LRRTM4: variants seen among roughly 807,000 people sequenced by gnomAD.
The protein encoded by LRRTM4 is leucine rich repeat transmembrane neuronal 4.
Under a neutral mutation model 47.6 loss-of-function variants are expected in LRRTM4, and 25 were observed. The observed-to-expected ratio is 0.53, with a 90% CI of 0.38 to 0.73. The LOEUF (loss-of-function observed/expected upper bound fraction) is 0.73, where lower values mean the gene tolerates loss of function less well. Ranked by LOEUF, LRRTM4 falls within the 30% of genes least tolerant of loss-of-function variation. The probability of loss-of-function intolerance (pLI) is 0.00; values close to 1 mark genes in which losing one functional copy is unlikely to be tolerated. For synonymous variants in LRRTM4, 311 were observed against 269.5 expected (o/e 1.15, Z -1.51); for missense variants, 638 against 713.4 (o/e 0.89, Z 1.20).
In LRRTM4 at chr2:77,519,888, A is replaced by T. The variant is rs371307696; in HGVS notation, c.5-24T>A. Reference sequence around the variant, plus strand: ...ACCTACGATATTAAAAAAAAGACAGATGCACATTGTGAAGCTATTAAAATA... The same window carrying T: ...ACCTACGATATTAAAAAAAAGACAGTTGCACATTGTGAAGCTATTAAAATA... On this transcript the variant is annotated intron_variant, in intron 2 of 3. Coordinates refer to ENST00000409884, the MANE Select transcript of LRRTM4 (RefSeq NM_001134745.3). The surrounding 1 kb of genome is among the most constrained non-coding windows in gnomAD (Gnocchi z 4.6). 3 of 1,537,424 alleles carry T rather than the reference A, an allele frequency of 2.0e-6. No homozygotes were observed. The highest frequency in any genetic ancestry group is 2.6e-6 in the Non-Finnish European group (3 of 1,141,802).
chr2:77,145,919 A>G (rs1023261467), intron 3 of LRRTM4, among the ~76,000 whole-genome samples: 17 of 152,192 alleles, frequency 1.1e-4, no homozygotes, highest in African/African-American at 3.9e-4. Flanking sequence ...TTCTTTCGAA[A>G]AAAAATTTAA....
In LRRTM4 at chr2:77,518,564, T is replaced by C. The variant is rs1679327963; in HGVS notation, c.1305A>G (p.Ser435=). The change falls in exon 3 of 4, where the codon TCA becomes TCG. Residue 435 remains serine, a synonymous_variant. Transcript: ENST00000409884. ...AGATCACCAAGAGGATCATGGCCACTGAGAGAAAGAGAGCCACACTCCCGG... is the reference window on the plus strand; with the variant it reads ...AGATCACCAAGAGGATCATGGCCACCGAGAGAAAGAGAGCCACACTCCCGG... ...IIAGSVALFL[S]VAMILLVIYV... 1 of 1,613,280 alleles carries C rather than the reference T, an allele frequency of 6.2e-7. No homozygotes were observed. Among genetic ancestry groups the C allele is most frequent in the Admixed American group, 1.7e-5 (1 of 59,856 alleles).
chr2:76,954,625 G>C (rs1377170273), intron 3 of LRRTM4, among the ~76,000 whole-genome samples: 1 of 151,798 alleles, frequency 6.6e-6, no homozygotes, highest in African/African-American at 2.4e-5. Context: ...AGCTTACTTG[G>C]ACAAGTATTG....
intron 3 of LRRTM4, among the ~76,000 whole-genome samples, chr2:77,349,040 GT>G: frequency 6.6e-6 from 1 of 152,022 alleles, no homozygotes; most frequent in East Asian, 1.9e-4. Context: ...ATATCAGGAG[GT>G]GGGCAGAGAT....
At chr2:77,122,503 C>T (rs2103958136) in intron 3 of LRRTM4, among the ~76,000 whole-genome samples, 1 of 149,684 alleles carries the variant, frequency 6.7e-6, no homozygotes, top group East Asian at 1.9e-4. Context: ...ACTATATATA[C>T]ACACACATAT....
chr2:76,843,944 C>T (rs184839192), intron 3 of LRRTM4, among the ~76,000 whole-genome samples: 3 of 150,454 alleles, frequency 2.0e-5, no homozygotes, highest in Admixed American at 1.3e-4. Context: ...GTCTCATGCC[C>T]AGACTGGAGT....
intron 3 of LRRTM4, among the ~76,000 whole-genome samples, chr2:77,486,565 A>T (rs1677919244): frequency 6.6e-6 from 1 of 152,184 alleles, no homozygotes; most frequent in African/African-American, 2.4e-5. Flanking sequence ...CAATTATAAT[A>T]TTAACCAAAT....
rs1454881258 is a variant in LRRTM4 at position 77,107,819 on chromosome 2, A to C, written c.1552-358903T>G. Among the ~76,000 whole-genome samples, 259 of 86,690 alleles carry C rather than the reference A, an allele frequency of 3.0e-3. 3 individuals carry two copies. The highest frequency in any genetic ancestry group is 0.014 in the African/African-American group (251 of 17,770). 56.9% of individuals were successfully genotyped at this position (86,690 alleles called of 152,430 possible). ...GGCAACAAGAGTGAAAATCCAACTC[A>C]AAAAAAAAAAAAAAAAAGAAAGAAA... On this transcript the variant is annotated intron_variant, in intron 3 of 3. Coordinates refer to ENST00000409884, the MANE Select transcript of LRRTM4 (RefSeq NM_001134745.3).
intron 3 of LRRTM4, among the ~76,000 whole-genome samples, chr2:76,822,587 TA>T (rs1248199581): frequency 6.6e-6 from 1 of 151,340 alleles, no homozygotes; most frequent in Non-Finnish European, 1.5e-5. Flanking sequence ...AACCAACATG[TA>T]AAAAAACACT....
chr2:77,086,719 T>C (rs903539346), intron 3 of LRRTM4, among the ~76,000 whole-genome samples: 5 of 152,006 alleles, frequency 3.3e-5, no homozygotes, highest in Admixed American at 6.6e-5. Flanking sequence ...GGTGGCGAAA[T>C]CCTGACCTCA....
At chr2:77,041,462 G>C (rs867470668) in intron 3 of LRRTM4, among the ~76,000 whole-genome samples, 120 of 151,544 alleles carry the variant, frequency 7.9e-4, no homozygotes, top group African/African-American at 2.8e-3. Context: ...TCATACAGTA[G>C]TTTTGAAATT....
At chr2:77,496,636 C>G (rs1186980403) in intron 3 of LRRTM4, among the ~76,000 whole-genome samples, 1 of 151,654 alleles carries the variant, frequency 6.6e-6, no homozygotes, top group East Asian at 1.9e-4. Flanking sequence ...GCTATACTGA[C>G]CTAGCATTCC....
chr2:77,154,115 T>C (rs1672497350), intron 3 of LRRTM4, among the ~76,000 whole-genome samples: 1 of 152,210 alleles, frequency 6.6e-6, no homozygotes, highest in Admixed American at 6.5e-5. Context: ...TGTTCTTAAT[T>C]GGCTTTGCGG....
intron 3 of LRRTM4, among the ~76,000 whole-genome samples, chr2:76,820,087 A>G (rs1311092045): frequency 6.6e-6 from 1 of 151,964 alleles, no homozygotes; most frequent in African/African-American, 2.4e-5. Flanking sequence ...AGGAAACTAC[A>G]TGTAGTCTAA....
At chr2:77,040,959 T>C (rs971330476) in intron 3 of LRRTM4, among the ~76,000 whole-genome samples, 1 of 151,518 alleles carries the variant, frequency 6.6e-6, no homozygotes, top group Non-Finnish European at 1.5e-5. Flanking sequence ...CTATTGTAGC[T>C]ATTTTGAAAT....
intron 3 of LRRTM4, among the ~76,000 whole-genome samples, chr2:76,907,322 C>A (rs1226531640): frequency 2.6e-5 from 4 of 151,202 alleles, no homozygotes; most frequent in Non-Finnish European, 5.9e-5. Flanking sequence ...ATACCAGAAT[C>A]TCTGGGACGC....
intron 3 of LRRTM4, among the ~76,000 whole-genome samples, chr2:76,846,471 A>G (rs572646027): frequency 6.6e-6 from 1 of 152,326 alleles, no homozygotes; most frequent in Middle Eastern, 3.4e-3. Flanking sequence ...ATATCATTTT[A>G]CATGTATATG....
intron 3 of LRRTM4, among the ~76,000 whole-genome samples, chr2:77,251,169 GT>G (rs1558653791): frequency 0.15 from 6,239 of 41,314 alleles, 514 homozygotes; most frequent in African/African-American, 0.34. Context: ...ACATATATAT[GT>G]GTGTGTGTGT....
chr2:76,794,402 T>C (rs1203211374), intron 3 of LRRTM4, among the ~76,000 whole-genome samples: 3 of 152,204 alleles, frequency 2.0e-5, no homozygotes, highest in Non-Finnish European at 2.9e-5. Context: ...TAAATACTGC[T>C]ATATGACTAA....
Sources: gnomAD v4.1 joint callset for allele counts (sites outside exome capture counted in the v4.1 genomes callset) on GRCh38, gnomAD v4.1.1 for gene constraint, Gnocchi (gnomAD v3.1) non-coding constraint, MANE v1.5 for transcripts, NCBI Gene and HGNC (gene_info 2026-07-23, HGNC 2026-07-21) for gene names.